The following NKAIN3 variants were observed in gnomAD, a reference collection of about 807,000 sequenced individuals.
NKAIN3 encodes sodium/potassium transporting ATPase interacting 3, also known as sodium/potassium-transporting ATPase subunit beta-1-interacting protein 3.
In NKAIN3, 25 loss-of-function variants were observed where a neutral mutation model predicts 30.2. The observed-to-expected ratio is 0.83, with a 90% CI of 0.60 to 1.16. The LOEUF (loss-of-function observed/expected upper bound fraction) is 1.16. NKAIN3 is among the 50% of genes most tolerant of loss of function. The probability of loss-of-function intolerance (pLI) is 0.00; values close to 1 mark genes in which losing one functional copy is unlikely to be tolerated. For missense variants in NKAIN3, 225 were observed against 254.1 expected (o/e 0.89, Z 0.78); for synonymous variants, 91 against 89.6 (o/e 1.02, Z -0.09).
chr8:62,257,222 T>C (rs1220695827), intron 1 of NKAIN3, among the ~76,000 whole-genome samples: 1 of 152,202 alleles, frequency 6.6e-6, no homozygotes, highest in Non-Finnish European at 1.5e-5. Flanking sequence ...CTGATCAGCA[T>C]TGGTTTGAAT....
At chr8:62,652,249 C>A (rs1274700711) in intron 3 of NKAIN3, among the ~76,000 whole-genome samples, 3 of 152,112 alleles carry the variant, frequency 2.0e-5, no homozygotes, top group African/African-American at 7.2e-5. Flanking sequence ...TATTACTTGG[C>A]AATTTTTATG....
At chr8:62,428,021 C>G (rs1804865901) in intron 1 of NKAIN3, among the ~76,000 whole-genome samples, 1 of 151,930 alleles carries the variant, frequency 6.6e-6, no homozygotes, top group Non-Finnish European at 1.5e-5. Context: ...CAGCCTCTGT[C>G]AACCACCATT....
intron 4 of NKAIN3, among the ~76,000 whole-genome samples, chr8:62,883,553 T>C (rs1191703282): frequency 6.7e-6 from 1 of 149,664 alleles, no homozygotes; most frequent in Non-Finnish European, 1.5e-5. Context: ...TCTTATTTAT[T>C]TTTGTTGTCA....
chr8:62,781,980 CAATT>C (rs1261655643), intron 4 of NKAIN3, among the ~76,000 whole-genome samples: 14 of 151,928 alleles, frequency 9.2e-5, no homozygotes. Context: ...GCAAAATAAG[CAATT>C]AATTGAGTGA....
intron 3 of NKAIN3, among the ~76,000 whole-genome samples, chr8:62,659,402 G>GT (rs1812869512): frequency 6.6e-6 from 1 of 152,134 alleles, no homozygotes; most frequent in Non-Finnish European, 1.5e-5. Flanking sequence ...ATAATTTTTT[G>GT]TAAGGATTAA....
At chr8:62,493,060 C>A (rs753495075) in intron 1 of NKAIN3, among the ~76,000 whole-genome samples, 8 of 152,088 alleles carry the variant, frequency 5.3e-5, no homozygotes, top group Non-Finnish European at 8.8e-5. Context: ...AATTAGATCC[C>A]ATTTGTTAAT....
chr8:62,877,680 A>T (rs1820841139), intron 4 of NKAIN3, among the ~76,000 whole-genome samples: 2 of 152,142 alleles, frequency 1.3e-5, no homozygotes. Flanking sequence ...AGTTTCCTTC[A>T]TTTTCCTAAT....
At chr8:62,451,793 T>G (rs1159140435) in intron 1 of NKAIN3, among the ~76,000 whole-genome samples, 1 of 152,176 alleles carries the variant, frequency 6.6e-6, no homozygotes, top group Non-Finnish European at 1.5e-5. Flanking sequence ...TATTCAGATT[T>G]GTATAATATT....
intron 3 of NKAIN3, among the ~76,000 whole-genome samples, chr8:62,691,879 A>G (rs1297076793): frequency 2.6e-5 from 4 of 152,226 alleles, no homozygotes; most frequent in African/African-American, 7.2e-5. Context: ...ATTATTGCTC[A>G]TGAATCGAAG....
chr8:62,436,614 A>AAAGTAATATGTAATAT (rs1805182420), intron 1 of NKAIN3, among the ~76,000 whole-genome samples: 1 of 152,182 alleles, frequency 6.6e-6, no homozygotes, highest in Non-Finnish European at 1.5e-5. Context: ...TAATATGTAA[A>AAAGTAATATGTAATAT]CACATAGAAA....
intron 1 of NKAIN3, among the ~76,000 whole-genome samples, chr8:62,400,276 C>T (rs1027218501): frequency 4.0e-5 from 6 of 151,124 alleles, no homozygotes; most frequent in Non-Finnish European, 8.8e-5. Flanking sequence ...AGTGATTCTC[C>T]TGCCTCAGCC....
intron 4 of NKAIN3, among the ~76,000 whole-genome samples, chr8:62,914,360 G>A (rs1822016747): frequency 6.6e-6 from 1 of 152,084 alleles, no homozygotes; most frequent in Non-Finnish European, 1.5e-5. Context: ...GAGGATGGGA[G>A]GAAGAAGAGG....
chr8:62,485,983 A>T (rs1355617279), intron 1 of NKAIN3, among the ~76,000 whole-genome samples: 3 of 152,216 alleles, frequency 2.0e-5, no homozygotes, highest in African/African-American at 7.2e-5. Context: ...TTCTTAGTTG[A>T]ATACAGGCAG....
chr8:62,799,102 G>A (rs544858291), intron 4 of NKAIN3, among the ~76,000 whole-genome samples: 12 of 152,228 alleles, frequency 7.9e-5, no homozygotes, highest in African/African-American at 2.9e-4. Flanking sequence ...ATTGTTGTTG[G>A]GACTGGAAAT....
intron 1 of NKAIN3, among the ~76,000 whole-genome samples, chr8:62,564,024 C>T (rs1045375102): frequency 8.5e-5 from 13 of 152,176 alleles, no homozygotes; most frequent in African/African-American, 3.1e-4. Flanking sequence ...CAATTGGACT[C>T]TGTAACCTGA....
Position 62,972,031 on chromosome 8 carries a change from A to G in NKAIN3, c.*6624A>G, listed in dbSNP as rs1164710603. ...TTTGCTTGGTCCTCATTGTGCTGCCACAATAAATTAATTCTTCTATGGTCA... is the reference window on the plus strand; with the variant it reads ...TTTGCTTGGTCCTCATTGTGCTGCCGCAATAAATTAATTCTTCTATGGTCA... On this transcript the variant is annotated 3_prime_UTR_variant, in exon 7 of 7. Coordinates refer to ENST00000623646, the MANE Select transcript of NKAIN3 (RefSeq NM_001304533.3). Among the ~76,000 whole-genome samples the G allele has an allele frequency of 6.6e-6, 1 of 152,194 alleles. No individual in the cohort carries two copies. The highest frequency in any genetic ancestry group is 1.5e-5 in the Non-Finnish European group (1 of 68,046).
At chr8:62,378,496 G>A (rs899756797) in intron 1 of NKAIN3, among the ~76,000 whole-genome samples, 3 of 152,182 alleles carry the variant, frequency 2.0e-5, no homozygotes, top group Non-Finnish European at 4.4e-5. Flanking sequence ...CACAGGCCTG[G>A]AGGCCTAGGA....
intron 1 of NKAIN3, among the ~76,000 whole-genome samples, chr8:62,571,788 C>A (rs1809948047): frequency 6.6e-6 from 1 of 152,156 alleles, no homozygotes; most frequent in South Asian, 2.1e-4. Context: ...AAAGCCTTGT[C>A]CTGAGCTCTA....
At chr8:62,617,378 C>T (rs1007576336) in intron 3 of NKAIN3, among the ~76,000 whole-genome samples, 7 of 152,170 alleles carry the variant, frequency 4.6e-5, no homozygotes, top group Admixed American at 3.3e-4. Context: ...TTAGACCACA[C>T]TAATCATGCA....
Sources: gnomAD v4.1 joint callset for allele counts (sites outside exome capture counted in the v4.1 genomes callset) on GRCh38, gnomAD v4.1.1 for gene constraint, MANE v1.5 for transcripts, NCBI Gene and HGNC (gene_info 2026-07-23, HGNC 2026-07-21) for gene names.